STEAP4: variants seen among roughly 807,000 people sequenced by gnomAD.
The protein encoded by STEAP4 is metalloreductase STEAP4.
Under a neutral mutation model 43.6 loss-of-function variants are expected in STEAP4, and 36 were observed. The ratio of observed to expected loss-of-function variants is 0.83; its 90% CI spans 0.63 to 1.09. The LOEUF (loss-of-function observed/expected upper bound fraction) is 1.09. Among genes scored for constraint, STEAP4 ranks in the 50% least tolerant of loss-of-function variants. The pLI is 0.00. For synonymous variants in STEAP4, 191 were observed against 196.7 expected (o/e 0.97, Z 0.24); for missense variants, 495 against 546.5 (o/e 0.91, Z 0.94).
intron 1 of STEAP4, among the ~76,000 whole-genome samples, chr7:88,288,077 G>A (rs907466702): frequency 2.0e-5 from 3 of 152,250 alleles, no homozygotes; most frequent in African/African-American, 7.2e-5. Context: ...TGGTTTCAAC[G>A]TTGGGGCAAC....
rs1176340649 is a variant in STEAP4 at position 88,279,675 on chromosome 7, T to C, written c.1150-47A>G. Reference sequence around the variant, plus strand: ...ATGTAAGTTAACATTATTTACATCTTAAAGTGAAACACTCTAAGCCAGTGA... The same window carrying C: ...ATGTAAGTTAACATTATTTACATCTCAAAGTGAAACACTCTAAGCCAGTGA... On this transcript the variant is annotated intron_variant, in intron 4 of 4. Coordinates refer to ENST00000380079, the MANE Select transcript of STEAP4 (RefSeq NM_024636.4). The C allele has an allele frequency of 4.1e-6, 6 of 1,462,508 alleles. No homozygotes were observed. In the South Asian group the frequency reaches 6.1e-5, roughly 15 times the overall value. 90.6% of individuals were successfully genotyped at this position (1,462,508 alleles called of 1,614,324 possible). A position where few individuals can be genotyped will look rare whatever the true frequency, so the allele number is the denominator to read the frequency against.
At chr7:88,285,402 A>T (rs868075084) in intron 1 of STEAP4, among the ~76,000 whole-genome samples, 1 of 152,222 alleles carries the variant, frequency 6.6e-6, no homozygotes, top group Non-Finnish European at 1.5e-5. Flanking sequence ...ACACAACGTC[A>T]GTTTTCCCTA....
At chr7:88,291,812 G>C (rs898278471) in intron 1 of STEAP4, among the ~76,000 whole-genome samples, 1 of 152,090 alleles carries the variant, frequency 6.6e-6, no homozygotes, top group South Asian at 2.1e-4. Context: ...ACAACATAGG[G>C]GTTTCCTCTC....
At chr7:88,299,273 T>G (rs965563435) in intron 1 of STEAP4, among the ~76,000 whole-genome samples, 2 of 152,234 alleles carry the variant, frequency 1.3e-5, no homozygotes, top group African/African-American at 4.8e-5. Flanking sequence ...AAATTAAGAT[T>G]GTTTTATAAT....
chr7:88,297,158 T>C (rs1447910944), intron 1 of STEAP4, among the ~76,000 whole-genome samples: 1 of 152,204 alleles, frequency 6.6e-6, no homozygotes, highest in Non-Finnish European at 1.5e-5. Context: ...GTGTACCACA[T>C]GCTATTCTAT....
rs373296314 is a variant in STEAP4, at chr7:88,272,012, A to G, written c.*7386T>C. On this transcript the variant is annotated 3_prime_UTR_variant, in exon 5 of 5. Coordinates refer to ENST00000380079, the MANE Select transcript of STEAP4 (RefSeq NM_024636.4). ...TGTATAGTTTCCAGCTGGTTGGTGT[A>G]GTAGTTGTAGTTGGCACTGCCAACT... 6.6e-6 allele frequency: 1 copy of G among 152,200 alleles called. No individual in the cohort carries two copies. The highest frequency in any genetic ancestry group is 1.5e-5 in the Non-Finnish European group (1 of 68,050). 9.4% of individuals were successfully genotyped at this position (152,200 alleles called of 1,614,324 possible). A position where few individuals can be genotyped will look rare whatever the true frequency, so the allele number is the denominator to read the frequency against.
intron 1 of STEAP4, among the ~76,000 whole-genome samples, chr7:88,302,628 G>A (rs1476403197): frequency 1.3e-5 from 2 of 152,012 alleles, no homozygotes; most frequent in Admixed American, 1.3e-4. Context: ...TCTGAGCCCT[G>A]GCTCTGTTCT....
chr7:88,305,575 A>G (rs991079563), intron 1 of STEAP4, among the ~76,000 whole-genome samples: 6 of 152,228 alleles, frequency 3.9e-5, no homozygotes, highest in African/African-American at 1.4e-4. Flanking sequence ...TTGAAAGCTG[A>G]GAGTATTCTC....
Position 88,305,783 on chromosome 7 carries a change from T to C in STEAP4, c.-3+1009A>G, listed in dbSNP as rs200104430. ...TCTTTAGTCACGGCTTTTCACCTTG[T>C]TAGAGTTGAACTTTCTGGATCATCT... is the stretch of plus-strand genomic sequence containing the variant. On this transcript the variant is annotated intron_variant, in intron 1 of 4. Coordinates refer to ENST00000380079, the MANE Select transcript of STEAP4 (RefSeq NM_024636.4). 6.6e-5 allele frequency among the ~76,000 whole-genome samples: 10 copies of C among 152,268 alleles called. No homozygotes were observed. In the East Asian group the frequency reaches 1.9e-3, roughly 29 times the overall value.
At position 88,279,630 on chromosome 7, in the gene STEAP4, T is replaced by C; in HGVS notation, c.1150-2A>G. On this transcript the variant is annotated splice_acceptor_variant, in intron 4 of 4. Coordinates refer to ENST00000380079, the MANE Select transcript of STEAP4 (RefSeq NM_024636.4). LOFTEE classifies it high-confidence loss of function. ...CAGGGTCAAATAACCCAGTTTGGAC[T>C]ATAAACAAGAAACAAAAATATGTAA... is the stretch of plus-strand genomic sequence containing the variant. 6.2e-7 allele frequency: 1 copy of C among 1,605,308 alleles called. No individual in the cohort carries two copies. The highest frequency in any genetic ancestry group is 8.5e-7 in the Non-Finnish European group (1 of 1,175,016).
chr7:88,283,227 T>C (rs1852661066), intron 2 of STEAP4, 59 bp from the exon 3 acceptor site: 3 of 1,478,252 alleles, frequency 2.0e-6, no homozygotes, highest in African/African-American at 2.8e-5. Flanking sequence ...TTAATAATTA[T>C]TTTGAAAGGC....
At chr7:88,286,369 T>C (rs1179417486) in intron 1 of STEAP4, among the ~76,000 whole-genome samples, 11 of 152,220 alleles carry the variant, frequency 7.2e-5, no homozygotes, top group African/African-American at 2.7e-4. Context: ...TATTTGACAA[T>C]GTTTCCTGCA....
Position 88,273,882 on chromosome 7 carries a change from G to A in STEAP4, c.*5516C>T, listed in dbSNP as rs560221541. 6.6e-6 allele frequency: 1 copy of A among 152,310 alleles called. No individual in the cohort carries two copies. Among genetic ancestry groups the A allele is most frequent in the East Asian group, 1.9e-4 (1 of 5,174 alleles). 9.4% of individuals were successfully genotyped at this position (152,310 alleles called of 1,614,324 possible). ...GATCCTGTGTTTCTACAACCTTAGA[G>A]GACGAATTGAAATCAGCATAGATAA... On this transcript the variant is annotated 3_prime_UTR_variant, in exon 5 of 5. Coordinates refer to ENST00000380079, the MANE Select transcript of STEAP4 (RefSeq NM_024636.4).
At position 88,283,919 on chromosome 7, in the gene STEAP4, A is replaced by G; in HGVS notation, c.351T>C (p.Asn117=). ...NLKINQYPES[N]AEYLAHLVPG... is the part of the protein sequence containing the mutation. Reference sequence around the variant, plus strand: ...GCACCAAATGAGCAAGGTACTCTGCATTAGATTCTGGATATTGATTGATTT... The same window carrying G: ...GCACCAAATGAGCAAGGTACTCTGCGTTAGATTCTGGATATTGATTGATTT... Residue 117 remains asparagine, a synonymous_variant, in exon 2 of 5, where the codon AAT becomes AAC. Transcript: ENST00000380079. The G allele has an allele frequency of 6.2e-7, 1 of 1,614,172 alleles. No homozygotes were observed.
At chr7:88,286,706 G>A (rs1205934965) in intron 1 of STEAP4, among the ~76,000 whole-genome samples, 1 of 150,628 alleles carries the variant, frequency 6.6e-6, no homozygotes, top group East Asian at 2.0e-4. Flanking sequence ...GTGAGACTCT[G>A]TCCCCTGCCC....
In STEAP4 at chr7:88,274,027, T is replaced by C. The variant is rs2115926329; in HGVS notation, c.*5371A>G. Reference sequence around the variant, plus strand: ...TCGTTCACTTAGTCTATTTTGTGGATTCAAAGGGACATTTAAGAGGACAGC... The same window carrying C: ...TCGTTCACTTAGTCTATTTTGTGGACTCAAAGGGACATTTAAGAGGACAGC... On this transcript the variant is annotated 3_prime_UTR_variant, in exon 5 of 5. Coordinates refer to ENST00000380079, the MANE Select transcript of STEAP4 (RefSeq NM_024636.4). The C allele has an allele frequency of 6.6e-6, 1 of 152,336 alleles. No homozygotes were observed. Among genetic ancestry groups the C allele is most frequent in the South Asian group, 2.1e-4 (1 of 4,830 alleles). The allele number at this position is 152,336 out of a possible 1,614,324, so 9.4% of individuals were successfully genotyped here. A position where few individuals can be genotyped will look rare whatever the true frequency, so the allele number is the denominator to read the frequency against.
chr7:88,283,132 T>C lies in STEAP4; in HGVS notation c.493A>G (p.Arg165Gly), dbSNP rs748930732. ...AGATTACGAACAATATCCATCACTC[T>C]TTGCTTGGCTTTGCTGTCATTTCCA... The part of the protein sequence containing the change: ...VCGNDSKAKQ[R>G]VMDIVRNLGL... Residue 165 changes from arginine to glycine, a missense_variant, in exon 3 of 5, where the codon AGA (arginine) becomes GGA (glycine). Transcript: ENST00000380079. 32 of 1,566,776 alleles carry C rather than the reference T, an allele frequency of 2.0e-5. No individual in the cohort carries two copies. In the African/African-American group the frequency reaches 4.1e-4, roughly 20 times the overall value.
intron 1 of STEAP4, among the ~76,000 whole-genome samples, chr7:88,301,352 A>C (rs1286843431): frequency 6.6e-6 from 1 of 152,182 alleles, no homozygotes; most frequent in Non-Finnish European, 1.5e-5. Context: ...TGGCTCATGC[A>C]GCCTTGACCT....
Position 88,271,284 on chromosome 7 carries a change from A to T in STEAP4, c.*8114T>A, listed in dbSNP as rs912756888. On this transcript the variant is annotated 3_prime_UTR_variant, in exon 5 of 5. Coordinates refer to ENST00000380079, the MANE Select transcript of STEAP4 (RefSeq NM_024636.4). Reference sequence around the variant, plus strand: ...ACCAAAATGATATGAAAAGGTCTACAGTGCTTCTACTCCTGTCACTACTCC... The same window carrying T: ...ACCAAAATGATATGAAAAGGTCTACTGTGCTTCTACTCCTGTCACTACTCC... The T allele has an allele frequency of 6.6e-6, 1 of 152,218 alleles. No homozygotes were observed. The highest frequency in any genetic ancestry group is 1.5e-5 in the Non-Finnish European group (1 of 68,042). 9.4% of individuals were successfully genotyped at this position (152,218 alleles called of 1,614,324 possible).
Sources: gnomAD v4.1 joint callset for allele counts (sites outside exome capture counted in the v4.1 genomes callset) on GRCh38, gnomAD v4.1.1 for gene constraint, MANE v1.5 for transcripts, NCBI Gene and HGNC (gene_info 2026-07-23, HGNC 2026-07-21) for gene names.